TASOR: variants seen among roughly 807,000 people sequenced by gnomAD.
TASOR encodes protein TASOR.
TASOR carries 53 observed loss-of-function variants against 178.6 expected under a neutral mutation model. The ratio of observed to expected loss-of-function variants is 0.30; its 90% confidence interval spans 0.24 to 0.37. The LOEUF is 0.37. TASOR is among the 10% of genes least tolerant of loss of function. The pLI, the probability that TASOR is intolerant of heterozygous loss-of-function variation, is 1.00. For synonymous variants in TASOR, 713 were observed against 696.2 expected (o/e 1.02, Z -0.38); for missense variants, 1,815 against 1,971.4 (o/e 0.92, Z 1.50).
chr3:56,666,489 G>T, intron 6 of TASOR, 105 bp from the exon 7 acceptor site: 1 of 783,108 alleles, frequency 1.3e-6, no homozygotes, highest in Non-Finnish European at 1.8e-6. Context: ...ATGCACTTCT[G>T]ACAAAAAATG....
chr3:56,661,313 A>G (rs1264004008), intron 9 of TASOR, among the ~76,000 whole-genome samples: 2 of 152,016 alleles, frequency 1.3e-5, no homozygotes, highest in African/African-American at 2.4e-5. Flanking sequence ...CGCTAGGGTA[A>G]TTTTGGTTTT....
intron 1 of TASOR, among the ~76,000 whole-genome samples, chr3:56,675,177 A>ATTTTTT (rs111854641): frequency 1.4e-5 from 2 of 138,538 alleles, no homozygotes; most frequent in Non-Finnish European, 3.1e-5. Context: ...ATCCCACTGA[A>ATTTTTT]TTTTTTTTTT....
rs2107520572 is a variant in TASOR at position 56,623,026 on chromosome 3, AG to A, written c.*10del. On this transcript the variant is annotated 3_prime_UTR_variant, in exon 24 of 24. Transcript: ENST00000683822. Reference sequence around the variant, plus strand: ...GTCCACAACAATCTCTTAAAAAAAAAGTTACTACAGTTATTTCTCTTGTGAA... The same window carrying A: ...GTCCACAACAATCTCTTAAAAAAAAATTACTACAGTTATTTCTCTTGTGAA... 1 of 1,487,404 alleles carries A rather than the reference AG, an allele frequency of 6.7e-7. No individual in the cohort carries two copies. Among genetic ancestry groups the A allele is most frequent in the Non-Finnish European group, 8.9e-7 (1 of 1,117,344 alleles). 92.1% of individuals were successfully genotyped at this position (1,487,404 alleles called of 1,614,324 possible). A position where few individuals can be genotyped will look rare whatever the true frequency, so the allele number is the denominator to read the frequency against.
At chr3:56,642,927 G>A (rs1312170051) in intron 14 of TASOR, among the ~76,000 whole-genome samples, 1 of 152,038 alleles carries the variant, frequency 6.6e-6, no homozygotes, top group Admixed American at 6.6e-5. Context: ...GGTGAGCCGA[G>A]ATCATGCCAC....
Position 56,646,503 on chromosome 3 carries a change from G to A in TASOR, c.2215+19C>T, listed in dbSNP as rs1233159604. The stretch of plus-strand genomic sequence containing the variant: ...ACTACTTTATTTTTGGCTGTTATAA[G>A]AGCAATCTGATATTTTACCTTCATA... On this transcript the variant is annotated intron_variant, in intron 14 of 23. Coordinates refer to ENST00000683822, the MANE Select transcript of TASOR (RefSeq NM_001365635.2). 5.1e-6 allele frequency: 8 copies of A among 1,564,722 alleles called. No homozygotes were observed. Among genetic ancestry groups the A allele is most frequent in the Non-Finnish European group, 6.9e-6 (8 of 1,158,274 alleles).
chr3:56,648,730 G>C, intron 13 of TASOR, 92 bp downstream of exon 13: 1 of 817,450 alleles, frequency 1.2e-6, no homozygotes, highest in Non-Finnish European at 1.9e-6. Flanking sequence ...CATGAGGTAA[G>C]AAAGACAAAA....
At chr3:56,636,142 A>G (rs1223431924) in intron 17 of TASOR, among the ~76,000 whole-genome samples, 4 of 145,324 alleles carry the variant, frequency 2.8e-5, no homozygotes, top group African/African-American at 7.5e-5. Context: ...CGTCTCTACT[A>G]AAAAAAAAAA....
chr3:56,623,905 C>T, intron 23 of TASOR: 1 of 1,336,120 alleles, frequency 7.5e-7, no homozygotes, highest in South Asian at 1.4e-5. Context: ...TTTTTGACAT[C>T]TAGCTTCACT....
At chr3:56,646,263 T>C (rs1212297608) in intron 14 of TASOR, among the ~76,000 whole-genome samples, 3 of 152,254 alleles carry the variant, frequency 2.0e-5, no homozygotes, top group Non-Finnish European at 2.9e-5. Context: ...TGTAAAGTGT[T>C]TCCTGTACTG....
chr3:56,644,640 G>A (rs1248848625), intron 14 of TASOR, among the ~76,000 whole-genome samples: 1 of 152,124 alleles, frequency 6.6e-6, no homozygotes, highest in Non-Finnish European at 1.5e-5. Flanking sequence ...GAGATTGGTA[G>A]CAAATTAGCA....
At position 56,621,666 on chromosome 3, in the gene TASOR, T is replaced by C. The variant is rs771863521; in HGVS notation, c.*1371A>G. The C allele has an allele frequency of 8.5e-6, 11 of 1,297,808 alleles. No individual in the cohort carries two copies. In the African/African-American group the frequency reaches 1.5e-4, roughly 17 times the overall value. The allele number at this position is 1,297,808 out of a possible 1,614,324, so 80.4% of individuals were successfully genotyped here. A position where few individuals can be genotyped will look rare whatever the true frequency, so the allele number is the denominator to read the frequency against. Reference sequence around the variant, plus strand: ...CATTTGATTTGTGTCTTCCAAATTATAAAATGTGCTCACTGGCTCAACTGT... The same window carrying C: ...CATTTGATTTGTGTCTTCCAAATTACAAAATGTGCTCACTGGCTCAACTGT... On this transcript the variant is annotated 3_prime_UTR_variant, in exon 24 of 24. Coordinates refer to ENST00000683822, the MANE Select transcript of TASOR (RefSeq NM_001365635.2).
intron 18 of TASOR, 40 bp from the exon 19 acceptor site, chr3:56,628,654 C>G: frequency 1.5e-6 from 2 of 1,346,930 alleles, no homozygotes; most frequent in Non-Finnish European, 1.0e-6. Flanking sequence ...TAAAATACTT[C>G]TTTGTAAACA....
chr3:56,644,583 G>C (rs779310172), intron 14 of TASOR, among the ~76,000 whole-genome samples: 1 of 152,190 alleles, frequency 6.6e-6, no homozygotes, highest in African/African-American at 2.4e-5. Context: ...AACATGGCTG[G>C]ACATGGCTAG....
chr3:56,670,939 T>TAAAAAAAAA (rs1433057207), intron 3 of TASOR, among the ~76,000 whole-genome samples: 1 of 32,758 alleles, frequency 3.1e-5, no homozygotes, highest in African/African-American at 2.6e-4. Context: ...AGACTCCATC[T>TAAAAAAAAA]CAAAAAAAAA....
chr3:56,625,127 A>G (rs1031748214), intron 21 of TASOR, 121 bp from the exon 22 acceptor site: 2 of 833,166 alleles, frequency 2.4e-6, no homozygotes, highest in Admixed American at 5.1e-5. Context: ...GCACTGCTTT[A>G]GCTCTCTGCC....
At position 56,641,409 on chromosome 3, in the gene TASOR, C is replaced by T. The variant is rs529838414; in HGVS notation, c.2559G>A (p.Lys853=). Residue 853 remains lysine, a synonymous_variant, in exon 15 of 24, where the codon AAG becomes AAA. Coordinates refer to ENST00000683822, the MANE Select transcript of TASOR (RefSeq NM_001365635.2). ...CGCTGGTAGAAATAGCAACAGAATA[C>T]TTAGATGTTGCATCAACTTCTAGTA... ...SLLLEVDATS[K]YSVAISTSEV... The T allele has an allele frequency of 1.2e-6, 2 of 1,602,920 alleles. No individual in the cohort carries two copies. Among genetic ancestry groups the T allele is most frequent in the Non-Finnish European group, 1.7e-6 (2 of 1,170,302 alleles).
chr3:56,673,434 A>C (rs1339403422), intron 2 of TASOR, 146 bp downstream of exon 2: 2 of 51,192 alleles, frequency 3.9e-5, no homozygotes, highest in East Asian at 2.9e-3. Context: ...CTCCGTCTCC[A>C]AAAAAAAAAA....
intron 9 of TASOR, 99 bp from the exon 10 acceptor site, chr3:56,661,116 G>C: frequency 1.4e-6 from 1 of 713,792 alleles, no homozygotes; most frequent in South Asian, 1.8e-5. Flanking sequence ...GAAAATAGAA[G>C]AGCATATCTA....
At chr3:56,636,956 G>A (rs1439045198) in intron 17 of TASOR, among the ~76,000 whole-genome samples, 2 of 151,978 alleles carry the variant, frequency 1.3e-5, no homozygotes, top group African/African-American at 2.4e-5. Flanking sequence ...GGCAGATCAC[G>A]AGGTCAAGAG....
Sources: allele counts gnomAD v4.1 joint callset (sites outside exome capture counted in the v4.1 genomes callset), GRCh38; gene constraint gnomAD v4.1.1; transcripts MANE v1.5; gene names NCBI Gene and HGNC (gene_info 2026-07-23, HGNC 2026-07-21).